MUC12: variants seen among roughly 807,000 people sequenced by gnomAD.
MUC12 encodes the protein mucin-12.
Under a neutral mutation model 230.8 loss-of-function variants are expected in MUC12, and 172 were observed. The ratio of observed to expected loss-of-function variants is 0.75; its 90% CI spans 0.66 to 0.85. MUC12 has a LOEUF of 0.85. Ranked by LOEUF, MUC12 falls within the 40% of genes least tolerant of loss-of-function variation. The probability of loss-of-function intolerance (pLI) is 0.00; values close to 1 mark genes in which losing one functional copy is unlikely to be tolerated. For synonymous variants in MUC12, 1,259 were observed against 2,401.9 expected, an observed-to-expected ratio of 0.52 and a Z score of 13.91; for missense variants, 3,506 against 5,920.6, an observed-to-expected ratio of 0.59 and a Z score of 13.38.
At chr7:100,970,564 A>G (rs1235374906) in intron 1 of MUC12, among the ~76,000 whole-genome samples, 2 of 151,922 alleles carry the variant, frequency 1.3e-5, no homozygotes, top group African/African-American at 4.8e-5. Flanking sequence ...GGAAGAAAGA[A>G]AGAAAGAAAA....
intron 2 of MUC12, among the ~76,000 whole-genome samples, chr7:101,006,083 C>T (rs4729638): frequency 0.099 from 15,131 of 152,114 alleles, 1,196 homozygotes; most frequent in Admixed American, 0.28. Flanking sequence ...CAGGTGTGAG[C>T]CACCGCGCCG....
At chr7:101,007,355 A>C (rs1288324227) in intron 3 of MUC12, among the ~76,000 whole-genome samples, 1 of 152,194 alleles carries the variant, frequency 6.6e-6, no homozygotes, top group East Asian at 1.9e-4. Flanking sequence ...CTAACTATAC[A>C]TTTTTTGTAC....
chr7:101,008,974 TTCC>T, intron 4 of MUC12, 118 bp from the exon 5 acceptor site: 5 of 1,307,588 alleles, frequency 3.8e-6, no homozygotes, highest in Non-Finnish European at 5.3e-6. Flanking sequence ...GGGTTGGTGG[TTCC>T]TCCTATGGGA....
Position 101,004,709 on chromosome 7 carries a change from A to T in MUC12, c.14146A>T (p.Ile4716Phe). The change falls in exon 2 of 12, where the codon ATC becomes TTC. Residue 4716 changes from isoleucine (I) to phenylalanine (F), a missense_variant. By Grantham distance (21) the Ile-to-Phe change is conservative. Coordinates refer to ENST00000536621, the MANE Select transcript of MUC12 (RefSeq NM_001164462.2). ...GRIAESTTFY[I>F]SPGSMETTLA... is the part of the protein sequence containing the mutation. ...CATTGCAGAATCTACCACCTTCTAT[A>T]TCTCTCCAGGCTCAATGGAAACAAC... 6.5e-7 allele frequency: 1 copy of T among 1,537,806 alleles called. No homozygotes were observed. Among genetic ancestry groups the T allele is most frequent in the Middle Eastern group, 1.7e-4 (1 of 5,994 alleles).
chr7:101,010,411 A>G (rs1233501181), intron 5 of MUC12, among the ~76,000 whole-genome samples: 1 of 152,112 alleles, frequency 6.6e-6, no homozygotes, highest in Non-Finnish European at 1.5e-5. Flanking sequence ...ATTATGGCTC[A>G]CTGCAGGCTC....
Position 101,004,620 on chromosome 7 carries a change from C to T in MUC12, c.14057C>T (p.Ser4686Phe). ...TSGRSEESTA[S>F]HSSPDTNGIT... ...GGCCGTAGTGAGGAATCAACAGCAT[C>T]CCACAGCAGCCCAGATACAAATGGA... Residue 4686 changes from serine to phenylalanine, a missense_variant, in exon 2 of 12, where the codon TCC becomes TTC. By Grantham distance (155) the Ser-to-Phe change is radical. Coordinates refer to ENST00000536621, the MANE Select transcript of MUC12 (RefSeq NM_001164462.2). 2.6e-6 allele frequency: 4 copies of T among 1,536,632 alleles called. No homozygotes were observed. The highest frequency in any genetic ancestry group is 2.0e-5 in the Admixed American group (1 of 50,926).
intron 1 of MUC12, among the ~76,000 whole-genome samples, chr7:100,981,019 CCCAA>C (rs1171628557): frequency 6.6e-6 from 1 of 152,090 alleles, no homozygotes; most frequent in Non-Finnish European, 1.5e-5. Flanking sequence ...ATGAAAAGGC[CCCAA>C]CCAACACTAG....
chr7:100,986,453 C>G (rs181809803), intron 1 of MUC12, among the ~76,000 whole-genome samples: 1 of 152,044 alleles, frequency 6.6e-6, no homozygotes, highest in Admixed American at 6.6e-5. Context: ...ATCAAAACCC[C>G]AAAATCTCCC....
intron 1 of MUC12, among the ~76,000 whole-genome samples, chr7:100,983,066 A>G (rs1257451944): frequency 6.6e-6 from 1 of 151,706 alleles, no homozygotes; most frequent in Non-Finnish European, 1.5e-5. Flanking sequence ...CTTGAATTCT[A>G]TGTTATAATC....
chr7:101,006,717 G>T (rs1793759150), intron 3 of MUC12, 145 bp downstream of exon 3: 1 of 624,092 alleles, frequency 1.6e-6, no homozygotes, highest in Admixed American at 2.7e-5. Flanking sequence ...GGGAGAACAT[G>T]AACCTTCTAC....
At chr7:101,011,231 C>T (rs780847620) in intron 5 of MUC12, among the ~76,000 whole-genome samples, 76 of 152,118 alleles carry the variant, frequency 5.0e-4, no homozygotes, top group Non-Finnish European at 9.4e-4. Context: ...AACCTTGCCC[C>T]TGGCTCAGCG....
Position 101,005,277 on chromosome 7 carries a change from C to T in MUC12, c.14714C>T (p.Ser4905Leu), listed in dbSNP as rs267601196. ...ACAACCACAGACATTGGTCAGGAAT[C>T]AACAGCCTTCCACAGCAGCTCAGAC... Reference protein sequence around the residue: ...TLTTTDIGQESTAFHSSSDAT... With the variant: ...TLTTTDIGQELTAFHSSSDAT... The change falls in exon 2 of 12, where the codon TCA becomes TTA. Residue 4905 changes from serine to leucine, a missense_variant. Physicochemically the swap from Ser to Leu is moderately radical, Grantham distance 145. Transcript: ENST00000536621. The T allele has an allele frequency of 6.5e-7, 1 of 1,537,902 alleles. No homozygotes were observed. The highest frequency in any genetic ancestry group is 2.0e-5 in the Admixed American group (1 of 51,006).
rs1392563170 is a variant in MUC12, at chr7:101,012,426, C to T, written c.15382C>T (p.Leu5128Phe). The change falls in exon 6 of 12, where the codon CTT becomes TTT. Residue 5128 changes from leucine to phenylalanine, a missense_variant. Transcript: ENST00000536621. Reference protein sequence around the residue: ...KIMNETRTTLLDPDSCRKAIL... With the variant: ...KIMNETRTTLFDPDSCRKAIL... The stretch of plus-strand genomic sequence containing the variant: ...TATGAATGAAACTAGAACAACTCTT[C>T]TTGATCCTGATTCCTGCAGAAGTAA... The T allele has an allele frequency of 6.5e-7, 1 of 1,537,904 alleles. No individual in the cohort carries two copies.
chr7:100,970,822 C>T lies in MUC12; in HGVS notation c.67+1133C>T, dbSNP rs368646870. On this transcript the variant is annotated intron_variant, in intron 1 of 11. Coordinates refer to ENST00000536621, the MANE Select transcript of MUC12 (RefSeq NM_001164462.2). ...ACCATCCTGGCTAACACGGTGAAAC[C>T]CCATCTCTACTAAAAATACAAAAAA... Among the ~76,000 whole-genome samples, 8 of 152,078 alleles carry T rather than the reference C, an allele frequency of 5.3e-5. No individual in the cohort carries two copies. In the East Asian group the frequency reaches 1.6e-3, roughly 30 times the overall value.
Position 100,991,559 on chromosome 7 carries a change from A to T in MUC12, c.996A>T (p.Pro332=). The change falls in exon 2 of 12, where the codon CCA becomes CCT. Residue 332 remains proline, a synonymous_variant. Transcript: ENST00000536621. ...TTLGHSEEST[P]VHSSPVATAT... is the part of the protein sequence containing the mutation. ...TGGGCCATAGTGAGGAATCGACACC[A>T]GTCCACAGCAGCCCAGTTGCAACTG... is the stretch of plus-strand genomic sequence containing the variant. 5.9e-6 allele frequency: 9 copies of T among 1,536,906 alleles called. No homozygotes were observed. The highest frequency in any genetic ancestry group is 7.8e-6 in the Non-Finnish European group (9 of 1,146,520).
At chr7:101,007,313 T>C (rs1206312906) in intron 3 of MUC12, among the ~76,000 whole-genome samples, 5 of 152,240 alleles carry the variant, frequency 3.3e-5, no homozygotes, top group African/African-American at 1.2e-4. Flanking sequence ...AGTCACTCTG[T>C]CGTGTTAAAT....
rs1350956748 is a variant in MUC12 at position 100,992,325 on chromosome 7, G to A, written c.1762G>A (p.Glu588Lys). 5 of 1,536,568 alleles carry A rather than the reference G, an allele frequency of 3.3e-6. No individual in the cohort carries two copies. Among genetic ancestry groups the A allele is most frequent in the African/African-American group, 1.4e-5 (1 of 72,984 alleles). The change falls in exon 2 of 12, where the codon GAA (glutamate) becomes AAA (lysine). Residue 588 changes from glutamate (E) to lysine (K), a missense_variant. Transcript: ENST00000536621. ...TTFHSRPGSTETTLLPDNTTA... is the reference protein window; with the variant it reads ...TTFHSRPGSTKTTLLPDNTTA... Reference sequence around the variant, plus strand: ...CTTCCACAGCCGCCCAGGCTCCACTGAAACAACACTCTTACCTGACAACAC... The same window carrying A: ...CTTCCACAGCCGCCCAGGCTCCACTAAAACAACACTCTTACCTGACAACAC...
intron 1 of MUC12, among the ~76,000 whole-genome samples, chr7:100,983,323 G>A (rs1044932950): frequency 2.6e-5 from 4 of 151,886 alleles, no homozygotes; most frequent in Admixed American, 2.0e-4. Flanking sequence ...GGGAGGCTGA[G>A]GCAGGAGAAT....
In MUC12 at chr7:101,005,192, C is replaced by T; in HGVS notation, c.14629C>T (p.Gln4877Ter). 2 of 1,537,460 alleles carry T rather than the reference C, an allele frequency of 1.3e-6. No individual in the cohort carries two copies. The highest frequency in any genetic ancestry group is 1.7e-6 in the Non-Finnish European group (2 of 1,146,942). ...HSNTMSIHSQ[Q>*]STPFPDSPGF... is the part of the protein sequence containing the mutation. ...CAACACAATGTCCATTCATAGTCAACAATCTACACCCTTCCCTGACAGCCC... is the reference window on the plus strand; with the variant it reads ...CAACACAATGTCCATTCATAGTCAATAATCTACACCCTTCCCTGACAGCCC... The change falls in exon 2 of 12, where the codon CAA becomes TAA. Residue 4877 changes from glutamine to a stop codon, truncating the protein, a stop_gained. Transcript: ENST00000536621. LOFTEE classifies it high-confidence loss of function.
Sources: allele counts gnomAD v4.1 joint callset (sites outside exome capture counted in the v4.1 genomes callset), GRCh38; gene constraint gnomAD v4.1.1; transcripts MANE v1.5; gene names NCBI Gene and HGNC (gene_info 2026-07-23, HGNC 2026-07-21).